Variants in BORCS8 observed in about 807,000 individuals in gnomAD.
BORCS8 encodes the protein BLOC-1-related complex subunit 8.
A neutral mutation model predicts 18.7 loss-of-function variants in BORCS8; 13 were observed. The ratio of observed to expected loss-of-function variants is 0.70; its 90% CI spans 0.45 to 1.11. The LOEUF (loss-of-function observed/expected upper bound fraction) is 1.11. Among genes scored for constraint, BORCS8 ranks in the 50% least tolerant of loss-of-function variants. The pLI is 0.00. For synonymous variants in BORCS8, 68 were observed against 64.8 expected (o/e 1.05, Z -0.24); for missense variants, 165 against 165.7 (o/e 1.00, Z 0.02).
chr19:19,188,650 T>C (rs752335405), intron 1 of BORCS8, among the ~76,000 whole-genome samples: 3 of 151,664 alleles, frequency 2.0e-5, no homozygotes, highest in Non-Finnish European at 4.4e-5. Flanking sequence ...GTGAGAGATA[T>C]GGAAACCTGT....
At chr19:19,183,769 CAT>C (rs1491162439) in intron 3 of BORCS8, among the ~76,000 whole-genome samples, 1 of 138,918 alleles carries the variant, frequency 7.2e-6, no homozygotes, top group African/African-American at 2.7e-5. Context: ...ACTTTTAGTA[CAT>C]GTTGGTCAGG....
At chr19:19,178,074 TG>T in intron 5 of BORCS8, 1 of 152,496 alleles carries the variant, frequency 6.6e-6, no homozygotes, top group Non-Finnish European at 1.5e-5. Flanking sequence ...CATATGTATT[TG>T]GGGGTGAGAC....
At chr19:19,186,189 T>C (rs775745891) in intron 2 of BORCS8, 91 bp from the exon 3 acceptor site, 62 of 1,226,964 alleles carry the variant, frequency 5.1e-5, no homozygotes, top group Non-Finnish European at 7.1e-5. Flanking sequence ...CTCTCCTGAG[T>C]CCTCATGGTG....
chr19:19,183,877 GTAATTTTTTTTTAATTTT>G (rs901846835), intron 3 of BORCS8, among the ~76,000 whole-genome samples: 33 of 148,914 alleles, frequency 2.2e-4, no homozygotes, highest in Non-Finnish European at 4.8e-4. Flanking sequence ...GCCTCATTTT[GTAATTTTTTTTTAATTTT>G]TAATTTTTTT....
chr19:19,183,267 G>A (rs919998083), intron 3 of BORCS8, among the ~76,000 whole-genome samples: 5 of 152,026 alleles, frequency 3.3e-5, no homozygotes, highest in Admixed American at 6.5e-5. Context: ...AAAATTAGCC[G>A]GGCGTGGTGG....
rs1278744425 is a variant in BORCS8 at position 19,186,020 on chromosome 19, G to A, written c.215+14C>T. 1 of 1,549,808 alleles carries A rather than the reference G, an allele frequency of 6.5e-7. No homozygotes were observed. Among genetic ancestry groups the A allele is most frequent in the Non-Finnish European group, 8.7e-7 (1 of 1,146,610 alleles). On this transcript the variant is annotated intron_variant, in intron 3 of 5. Coordinates refer to ENST00000462790, the MANE Select transcript of BORCS8 (RefSeq NM_001145784.2). ...CAAAAGGTGGCCCTGCAGCGGGGAG[G>A]CTGTGGCGCTCACCTGCAGGCGTAC...
rs2060362828 is a variant in BORCS8, at chr19:19,182,866, C to A, written c.216-183G>T. Among the ~76,000 whole-genome samples, 1 of 152,186 alleles carries A rather than the reference C, an allele frequency of 6.6e-6. No homozygotes were observed. The highest frequency in any genetic ancestry group is 1.5e-5 in the Non-Finnish European group (1 of 68,038). On this transcript the variant is annotated intron_variant, in intron 3 of 5. Coordinates refer to ENST00000462790, the MANE Select transcript of BORCS8 (RefSeq NM_001145784.2). This position sits in a 1 kb window ranked among gnomAD's most constrained non-coding sequence, Gnocchi z 4.1. The stretch of plus-strand genomic sequence containing the variant: ...CTATGACTAGATGACATCTGTGCAA[C>A]ACAGCACATTCTCTGCCACTGAAAC...
chr19:19,191,790 G>A (rs1328497515), intron 1 of BORCS8, among the ~76,000 whole-genome samples: 1 of 152,080 alleles, frequency 6.6e-6, no homozygotes, highest in Non-Finnish European at 1.5e-5. Context: ...TGTCACCTAG[G>A]CTGGTCTCGG....
chr19:19,189,439 G>A (rs2060444836), intron 1 of BORCS8, among the ~76,000 whole-genome samples: 1 of 152,090 alleles, frequency 6.6e-6, no homozygotes, highest in Admixed American at 6.6e-5. Flanking sequence ...TCCCACCCTT[G>A]CTTTAAACTC....
intron 3 of BORCS8, 131 bp downstream of exon 3, chr19:19,185,903 G>A (rs1236548520): frequency 1.1e-6 from 1 of 886,330 alleles, no homozygotes; most frequent in African/African-American, 1.6e-5. Context: ...TCGTGGTACA[G>A]ACCCCATACA....
intron 5 of BORCS8, chr19:19,179,643 C>A (rs1389490246): frequency 6.5e-6 from 1 of 152,682 alleles, no homozygotes; most frequent in African/African-American, 2.4e-5. Context: ...GGTAAGTCCC[C>A]AGGGCCCCTT....
At chr19:19,186,008 T>G (rs2060404661) in intron 3 of BORCS8, 26 bp downstream of exon 3, 1 of 1,548,738 alleles carries the variant, frequency 6.5e-7, no homozygotes, top group African/African-American at 1.4e-5. Flanking sequence ...AAGGTGGCCC[T>G]GCAGCGGGGA....
In BORCS8 at chr19:19,182,641, G is replaced by T; in HGVS notation, c.258C>A (p.Ser86Arg). The change falls in exon 4 of 6, where the codon AGC becomes AGA. Residue 86 changes from serine to arginine, a missense_variant. Transcript: ENST00000462790. This position sits in a 1 kb window ranked among gnomAD's most constrained non-coding sequence, Gnocchi z 4.1. ...NLVDSSVYFR[S>R]VEGLLKQAIS... The stretch of plus-strand genomic sequence containing the variant: ...TGGCCTGTTTGAGCAGACCCTCCAC[G>T]CTGCGGAAGTAGACGCTGCTGTCCA... 1 of 1,551,278 alleles carries T rather than the reference G, an allele frequency of 6.4e-7. No individual in the cohort carries two copies. Among genetic ancestry groups the T allele is most frequent in the South Asian group, 1.2e-5 (1 of 84,048 alleles).
intron 4 of BORCS8, among the ~76,000 whole-genome samples, chr19:19,181,015 C>T (rs565466007): frequency 6.6e-6 from 1 of 151,668 alleles, no homozygotes; most frequent in African/African-American, 2.4e-5. Context: ...GCCAACATGG[C>T]GAAACCCCGT....
Position 19,181,820 on chromosome 19 carries a change from C to G in BORCS8, c.326+753G>C, listed in dbSNP as rs565975466. 4.1e-6 allele frequency: 4 copies of G among 980,412 alleles called. No individual in the cohort carries two copies. In the South Asian group the frequency reaches 1.4e-4, roughly 35 times the overall value. The allele number at this position is 980,412 out of a possible 1,614,324, so 60.7% of individuals were successfully genotyped here. ...GTGGGGGACAGGCCTGCCAGAACCCCAATCTGTGGGAGCCAGACGCATCCC... is the reference window on the plus strand; with the variant it reads ...GTGGGGGACAGGCCTGCCAGAACCCGAATCTGTGGGAGCCAGACGCATCCC... On this transcript the variant is annotated intron_variant, in intron 4 of 5. Coordinates refer to ENST00000462790, the MANE Select transcript of BORCS8 (RefSeq NM_001145784.2).
chr19:19,190,693 C>A (rs932068362), intron 1 of BORCS8, among the ~76,000 whole-genome samples: 2 of 152,106 alleles, frequency 1.3e-5, no homozygotes. Context: ...GAGGCTGAGG[C>A]AGGAGAAACA....
chr19:19,182,115 G>T lies in BORCS8; in HGVS notation c.326+458C>A. On this transcript the variant is annotated intron_variant, in intron 4 of 5. Transcript: ENST00000462790. The surrounding 1 kb of genome is among the most constrained non-coding windows in gnomAD (Gnocchi z 4.1). ...CTCCAGCCACAGAAGCCTTCTCGGT[G>T]CTTCTCGAACACTCCCAGGGATCCC... 1 of 907,240 alleles carries T rather than the reference G, an allele frequency of 1.1e-6. No homozygotes were observed. Among genetic ancestry groups the T allele is most frequent in the Non-Finnish European group, 1.3e-6 (1 of 758,630 alleles). The allele number at this position is 907,240 out of a possible 1,614,324, so 56.2% of individuals were successfully genotyped here. A position where few individuals can be genotyped will look rare whatever the true frequency, so the allele number is the denominator to read the frequency against.
rs1568572451 is a variant in BORCS8, at chr19:19,192,124, C to T, written c.-7G>A. 1 of 1,551,186 alleles carries T rather than the reference C, an allele frequency of 6.4e-7. No individual in the cohort carries two copies. The highest frequency in any genetic ancestry group is 8.7e-7 in the Non-Finnish European group (1 of 1,146,894). On this transcript the variant is annotated 5_prime_UTR_variant, in exon 1 of 6. Transcript: ENST00000462790. ...GCATCTCCGGCTCCTCCATAGCGAC[C>T]GCGGCCGAGCGAACCGGGAAACGGC... is the stretch of plus-strand genomic sequence containing the variant.
chr19:19,180,746 G>C lies in BORCS8; in HGVS notation c.342C>G (p.Pro114=). Residue 114 remains proline (P), a synonymous_variant, in exon 5 of 6, where the codon CCC becomes CCG. Transcript: ENST00000462790. ...SAQGHSPEEP[P]PPSSA ...TCCAGGATCAGGCTGAGGAGGGCGG[G>C]GGTGGTTCCTCCGGGCTGCAACAAA... 1 of 1,549,886 alleles carries C rather than the reference G, an allele frequency of 6.5e-7. No individual in the cohort carries two copies. Among genetic ancestry groups the C allele is most frequent in the Non-Finnish European group, 8.7e-7 (1 of 1,146,352 alleles).
Sources: allele counts gnomAD v4.1 joint callset (sites outside exome capture counted in the v4.1 genomes callset), GRCh38; gene constraint gnomAD v4.1.1; non-coding constraint Gnocchi (gnomAD v3.1); transcripts MANE v1.5; gene names NCBI Gene and HGNC (gene_info 2026-07-23, HGNC 2026-07-21).